The following RABGAP1L variants were observed in gnomAD, a reference collection of about 807,000 sequenced individuals.
RABGAP1L encodes the protein RAB GTPase activating protein 1 like.
A neutral mutation model predicts 137.7 loss-of-function variants in RABGAP1L; 63 were observed. The ratio of observed to expected loss-of-function variants is 0.46; its 90% CI spans 0.37 to 0.56. The LOEUF is 0.56. Among genes scored for constraint, RABGAP1L ranks in the 20% least tolerant of loss-of-function variants. The pLI is 0.00. For missense variants in RABGAP1L, 1,095 were observed against 1,244.0 expected (o/e 0.88, Z 1.80); for synonymous variants, 431 against 433.7 (o/e 0.99, Z 0.08).
intron 19 of RABGAP1L, among the ~76,000 whole-genome samples, chr1:174,929,860 T>C (rs906410203): frequency 4.0e-5 from 6 of 148,442 alleles, no homozygotes; most frequent in African/African-American, 1.5e-4. Context: ...TTTTTTTTTT[T>C]TTTTTTTTGA....
At chr1:174,302,276 T>C (rs1677784197) in intron 10 of RABGAP1L, among the ~76,000 whole-genome samples, 1 of 152,208 alleles carries the variant, frequency 6.6e-6, no homozygotes, top group Non-Finnish European at 1.5e-5. Flanking sequence ...CTCTCATGCC[T>C]CATAGTGTTA....
intron 8 of RABGAP1L, 90 bp from the exon 9 acceptor site, chr1:174,275,743 A>T: frequency 1.1e-6 from 1 of 896,970 alleles, no homozygotes; most frequent in Non-Finnish European, 1.7e-6. Flanking sequence ...TCTAAATTTT[A>T]ATAATTTGTA....
At chr1:174,290,640 A>G (rs1297061998) in intron 10 of RABGAP1L, among the ~76,000 whole-genome samples, 2 of 152,178 alleles carry the variant, frequency 1.3e-5, no homozygotes, top group African/African-American at 2.4e-5. Flanking sequence ...TGATATTACT[A>G]TAAATTGTAT....
chr1:174,684,878 G>A (rs570985294), intron 15 of RABGAP1L, among the ~76,000 whole-genome samples: 48 of 152,262 alleles, frequency 3.2e-4, no homozygotes, highest in African/African-American at 1.1e-3. Flanking sequence ...CTACCTGGGA[G>A]GCTGAAGTGG....
intron 11 of RABGAP1L, among the ~76,000 whole-genome samples, chr1:174,369,827 G>T (rs1280120857): frequency 6.6e-6 from 1 of 151,982 alleles, no homozygotes; most frequent in Non-Finnish European, 1.5e-5. Flanking sequence ...TTCACTTTTT[G>T]CATTAAATGT....
At chr1:174,799,930 G>GCGCACA (rs894465829) in intron 18 of RABGAP1L, 2 of 792,072 alleles carry the variant, frequency 2.5e-6, no homozygotes, top group African/African-American at 4.2e-5. Flanking sequence ...ACCCTTTCTC[G>GCGCACA]CACACACACA....
chr1:174,240,004 C>T (rs1024702894), intron 4 of RABGAP1L, among the ~76,000 whole-genome samples: 11 of 152,126 alleles, frequency 7.2e-5, no homozygotes, highest in East Asian at 1.9e-4. Context: ...TATATGTTAT[C>T]GTCTAAAAAT....
intron 5 of RABGAP1L, among the ~76,000 whole-genome samples, chr1:174,247,951 A>G (rs1316201493): frequency 6.6e-6 from 1 of 152,132 alleles, no homozygotes; most frequent in Non-Finnish European, 1.5e-5. Context: ...ACAAAACTAA[A>G]TATACACTGA....
intron 5 of RABGAP1L, among the ~76,000 whole-genome samples, chr1:174,243,424 C>A (rs928142789): frequency 1.4e-4 from 22 of 152,220 alleles, no homozygotes; most frequent in African/African-American, 5.3e-4. Context: ...GAAAGTATTA[C>A]ATTATGGGGG....
At chr1:174,188,614 A>G (rs955792206) in intron 1 of RABGAP1L, among the ~76,000 whole-genome samples, 1 of 152,192 alleles carries the variant, frequency 6.6e-6, no homozygotes, top group South Asian at 2.1e-4. Flanking sequence ...TAGGGTTTTT[A>G]ACACTTTTGT....
intron 13 of RABGAP1L, among the ~76,000 whole-genome samples, chr1:174,472,885 C>G (rs1349600785): frequency 6.6e-6 from 1 of 152,168 alleles, no homozygotes; most frequent in African/African-American, 2.4e-5. Flanking sequence ...AAAGGGCCAG[C>G]CTTTCAAGCA....
At chr1:174,888,101 ACTT>A (rs918288907) in intron 19 of RABGAP1L, among the ~76,000 whole-genome samples, 3 of 152,208 alleles carry the variant, frequency 2.0e-5, no homozygotes, top group African/African-American at 7.2e-5. Context: ...GGTAATAAGT[ACTT>A]CTTTATTAAA....
chr1:174,481,911 AAAG>A (rs1385298973), intron 13 of RABGAP1L, among the ~76,000 whole-genome samples: 8 of 151,740 alleles, frequency 5.3e-5, no homozygotes, highest in African/African-American at 1.7e-4. Context: ...AAGAAAAAAA[AAAG>A]AAACCACTGA....
chr1:174,530,319 G>A (rs1341026381), intron 13 of RABGAP1L, among the ~76,000 whole-genome samples: 1 of 152,124 alleles, frequency 6.6e-6, no homozygotes, highest in Non-Finnish European at 1.5e-5. Flanking sequence ...CCCTGGCACT[G>A]TTGGGTTCCA....
intron 18 of RABGAP1L, among the ~76,000 whole-genome samples, chr1:174,787,431 G>A (rs961284450): frequency 1.3e-5 from 2 of 150,940 alleles, no homozygotes; most frequent in African/African-American, 4.9e-5. Context: ...ATAAGAGAAA[G>A]TGACATCTGA....
At chr1:174,910,622 C>A (rs1222714332) in intron 19 of RABGAP1L, among the ~76,000 whole-genome samples, 2 of 152,078 alleles carry the variant, frequency 1.3e-5, no homozygotes, top group East Asian at 3.9e-4. Flanking sequence ...GTCAAATTAG[C>A]CTTGTTTGTA....
At chr1:174,304,620 A>C (rs959064758) in intron 10 of RABGAP1L, among the ~76,000 whole-genome samples, 4 of 152,126 alleles carry the variant, frequency 2.6e-5, no homozygotes, top group Non-Finnish European at 5.9e-5. Context: ...AGTTGTAAAA[A>C]TTCTTTGAGC....
intron 13 of RABGAP1L, among the ~76,000 whole-genome samples, chr1:174,396,320 A>T (rs931092711): frequency 9.2e-5 from 14 of 152,146 alleles, no homozygotes; most frequent in African/African-American, 3.1e-4. Flanking sequence ...ATTTTATGTT[A>T]TGTTTAACAC....
chr1:174,540,023 T>G (rs1252207944), intron 13 of RABGAP1L, among the ~76,000 whole-genome samples: 11 of 152,246 alleles, frequency 7.2e-5, no homozygotes, highest in Non-Finnish European at 1.5e-5. Context: ...TGGTTTTGAT[T>G]TGCATTTCTC....
Sources: gnomAD v4.1 joint callset for allele counts (sites outside exome capture counted in the v4.1 genomes callset) on GRCh38, gnomAD v4.1.1 for gene constraint, MANE v1.5 for transcripts, NCBI Gene and HGNC (gene_info 2026-07-23, HGNC 2026-07-21) for gene names.